LSAMP: variants seen among roughly 807,000 people sequenced by gnomAD.
The protein encoded by LSAMP is limbic system associated membrane protein.
Under a neutral mutation model 38.6 loss-of-function variants are expected in LSAMP, and 7 were observed. The ratio of observed to expected loss-of-function variants is 0.18; its 90% confidence interval spans 0.10 to 0.34. The LOEUF (loss-of-function observed/expected upper bound fraction) is 0.34, where lower values mean the gene tolerates loss of function less well. LSAMP is among the 10% of genes least tolerant of loss of function. LSAMP has a pLI of 1.00. For synonymous variants in LSAMP, 154 were observed against 166.8 expected (o/e 0.92, Z 0.59); for missense variants, 313 against 420.0 (o/e 0.75, Z 2.23).
chr3:115,829,647 C>T (rs1365588067), intron 6 of LSAMP, among the ~76,000 whole-genome samples: 2 of 152,082 alleles, frequency 1.3e-5, no homozygotes, highest in African/African-American at 4.8e-5. Context: ...GAAGGGCATC[C>T]GCTGAAAGTG....
At chr3:116,042,698 G>T (rs1941202150) in intron 2 of LSAMP, among the ~76,000 whole-genome samples, 1 of 152,154 alleles carries the variant, frequency 6.6e-6, no homozygotes, top group Admixed American at 6.5e-5. Flanking sequence ...AAAGTGCTGG[G>T]ATTACAGGTG....
chr3:116,174,942 T>A (rs58820760), intron 1 of LSAMP, among the ~76,000 whole-genome samples: 2,047 of 152,218 alleles, frequency 0.013, 35 homozygotes, highest in African/African-American at 0.04. Flanking sequence ...TTCTTTTGTG[T>A]CTCACTTTTG....
intron 1 of LSAMP, among the ~76,000 whole-genome samples, chr3:116,171,650 C>T (rs79986107): frequency 0.013 from 2,042 of 152,126 alleles, 34 homozygotes; most frequent in African/African-American, 0.04. Context: ...TTATTTTGGC[C>T]TTGAGTCATC....
intron 2 of LSAMP, among the ~76,000 whole-genome samples, chr3:116,041,819 A>AAC (rs1941180402): frequency 4.1e-5 from 6 of 145,690 alleles, no homozygotes; most frequent in African/African-American, 1.6e-4. Context: ...AACAAAACAA[A>AAC]AAAAAAACAC....
At chr3:116,139,156 T>C (rs1316615044) in intron 1 of LSAMP, among the ~76,000 whole-genome samples, 1 of 151,934 alleles carries the variant, frequency 6.6e-6, no homozygotes, top group Non-Finnish European at 1.5e-5. Flanking sequence ...TAACAGTACT[T>C]TTAAATTTTT....
chr3:115,996,207 AT>A (rs1939810246), intron 3 of LSAMP, among the ~76,000 whole-genome samples: 2 of 152,120 alleles, frequency 1.3e-5, no homozygotes, highest in African/African-American at 2.4e-5. Context: ...TCATAATCAA[AT>A]TTACTAAGAA....
At chr3:115,990,188 A>G (rs1381556647) in intron 3 of LSAMP, among the ~76,000 whole-genome samples, 2 of 152,092 alleles carry the variant, frequency 1.3e-5, no homozygotes, top group Non-Finnish European at 2.9e-5. Context: ...TCAGTGAGAT[A>G]GAAATCTCCC....
chr3:115,928,840 G>C (rs1937530380), intron 3 of LSAMP, among the ~76,000 whole-genome samples: 1 of 152,176 alleles, frequency 6.6e-6, no homozygotes, highest in Non-Finnish European at 1.5e-5. Flanking sequence ...TGGGAATTCT[G>C]AGGGAATGTT....
chr3:116,300,645 ATCTAACTAATACCTGATGATCTGAGAC>A (rs1270904889), intron 1 of LSAMP, among the ~76,000 whole-genome samples: 2 of 152,152 alleles, frequency 1.3e-5, no homozygotes, highest in African/African-American at 4.8e-5. Flanking sequence ...TCTTATGAGA[ATCTAACTAATACCTGATGATCTGAGAC>A]TCTAACTAAT....
intron 1 of LSAMP, among the ~76,000 whole-genome samples, chr3:116,188,502 C>T (rs1193844601): frequency 6.6e-6 from 1 of 152,064 alleles, no homozygotes. Flanking sequence ...TGGCAGCTGC[C>T]AAAACTGACT....
intron 6 of LSAMP, among the ~76,000 whole-genome samples, chr3:115,827,072 G>A (rs757156647): frequency 6.6e-6 from 1 of 151,498 alleles, no homozygotes; most frequent in Non-Finnish European, 1.5e-5. Flanking sequence ...AGTTACTCTA[G>A]CTTGCAATTC....
chr3:116,017,866 T>C (rs7625191), intron 3 of LSAMP, among the ~76,000 whole-genome samples: 71,303 of 151,996 alleles, frequency 0.47, 18,246 homozygotes, highest in African/African-American at 0.69. Flanking sequence ...TCTTTTATAA[T>C]ATCCTTAAAT....
intron 1 of LSAMP, 66 bp downstream of exon 1, chr3:116,444,787 GACACACACACACACACACACACAA>G (rs1303393973): frequency 4.5e-5 from 54 of 1,202,212 alleles, no homozygotes; most frequent in African/African-American, 2.7e-4. Flanking sequence ...AAGGAGATCA[GACACACACACACACACACACACAA>G]ACACACACAC....
intron 3 of LSAMP, among the ~76,000 whole-genome samples, chr3:115,860,200 C>A (rs1156792637): frequency 6.6e-6 from 1 of 152,176 alleles, no homozygotes; most frequent in Non-Finnish European, 1.5e-5. Flanking sequence ...GATATATTAT[C>A]TTATTTAATT....
rs111663871 is a variant in LSAMP at position 116,150,322 on chromosome 3, T to C, written c.156-63766A>G. Among the ~76,000 whole-genome samples, 203 of 152,198 alleles carry C rather than the reference T, an allele frequency of 1.3e-3. 1 individual carries two copies. Among genetic ancestry groups the C allele is most frequent in the African/African-American group, 3.4e-3 (141 of 41,566 alleles). ...TGCAAATAGTTCTTTATTCATAAAATAGCTATTCTCCCCTCTCATGGATCT... is the reference window on the plus strand; with the variant it reads ...TGCAAATAGTTCTTTATTCATAAAACAGCTATTCTCCCCTCTCATGGATCT... On this transcript the variant is annotated intron_variant, in intron 1 of 6. Transcript: ENST00000490035.
At chr3:116,006,368 G>A (rs534067359) in intron 3 of LSAMP, among the ~76,000 whole-genome samples, 2 of 152,190 alleles carry the variant, frequency 1.3e-5, no homozygotes, top group East Asian at 1.9e-4. Flanking sequence ...CCTCGATCAC[G>A]GACTTCTAGC....
intron 3 of LSAMP, among the ~76,000 whole-genome samples, chr3:115,855,572 A>T (rs768979078): frequency 2.0e-5 from 3 of 152,158 alleles, no homozygotes; most frequent in Non-Finnish European, 2.9e-5. Context: ...GTGCATAGCT[A>T]TCTCAATAAA....
At chr3:116,072,712 G>A (rs992704571) in intron 2 of LSAMP, among the ~76,000 whole-genome samples, 2 of 126,142 alleles carry the variant, frequency 1.6e-5, no homozygotes, top group Non-Finnish European at 3.5e-5. Flanking sequence ...AGAAGTATCT[G>A]TTATTGCTAT....
chr3:116,081,313 G>T (rs1005880978), intron 2 of LSAMP, among the ~76,000 whole-genome samples: 2 of 152,032 alleles, frequency 1.3e-5, no homozygotes, highest in Admixed American at 6.6e-5. Context: ...AATTAGGCAG[G>T]CATGATGGCA....
Sources: allele counts gnomAD v4.1 joint callset (sites outside exome capture counted in the v4.1 genomes callset), GRCh38; gene constraint gnomAD v4.1.1; transcripts MANE v1.5; gene names NCBI Gene and HGNC (gene_info 2026-07-23, HGNC 2026-07-21).